Variants in CEP128 observed in about 807,000 individuals in gnomAD.
CEP128 encodes the protein centrosomal protein 128kDa.
A neutral mutation model predicts 156.7 loss-of-function variants in CEP128; 132 were observed. That is an observed-to-expected ratio of 0.84 (90% CI 0.73 to 0.97). The LOEUF is 0.97. CEP128 is among the 50% of genes least tolerant of loss of function. The pLI is 0.00. For missense variants in CEP128, 1,252 were observed against 1,281.9 expected (o/e 0.98, Z 0.36); for synonymous variants, 469 against 448.9 (o/e 1.04, Z -0.57).
intron 16 of CEP128, among the ~76,000 whole-genome samples, chr14:80,777,187 T>A (rs1291814359): frequency 6.6e-6 from 1 of 152,168 alleles, no homozygotes; most frequent in Non-Finnish European, 1.5e-5. Context: ...TGAAACTGAA[T>A]CTACAATGTG....
chr14:80,554,613 G>C (rs1014219681), intron 21 of CEP128, among the ~76,000 whole-genome samples: 1 of 150,838 alleles, frequency 6.6e-6, no homozygotes, highest in Non-Finnish European at 1.5e-5. Context: ...CTAGGAATTT[G>C]TTTATTTCTT....
intron 9 of CEP128, among the ~76,000 whole-genome samples, chr14:80,846,027 T>C (rs896736192): frequency 1.2e-4 from 19 of 152,178 alleles, no homozygotes; most frequent in South Asian, 2.1e-4. Flanking sequence ...ATCATCGTCA[T>C]AGCATTAACG....
chr14:80,859,010 C>G (rs1266287303), intron 9 of CEP128, among the ~76,000 whole-genome samples: 4 of 151,788 alleles, frequency 2.6e-5, no homozygotes, highest in African/African-American at 9.7e-5. Flanking sequence ...GGATCTAGAA[C>G]TAGAAATACC....
At chr14:80,911,923 T>C (rs935817868) in intron 4 of CEP128, among the ~76,000 whole-genome samples, 1 of 152,140 alleles carries the variant, frequency 6.6e-6, no homozygotes, top group Admixed American at 6.5e-5. Flanking sequence ...TTCCCACTTA[T>C]AAAACCACTC....
intron 8 of CEP128, among the ~76,000 whole-genome samples, chr14:80,874,902 G>C (rs1261787821): frequency 1.3e-5 from 2 of 152,236 alleles, no homozygotes; most frequent in Non-Finnish European, 2.9e-5. Flanking sequence ...ACAGGCGTGA[G>C]CCACCGCGCC....
At chr14:80,676,644 T>C (rs1896073149) in intron 19 of CEP128, among the ~76,000 whole-genome samples, 1 of 152,146 alleles carries the variant, frequency 6.6e-6, no homozygotes, top group South Asian at 2.1e-4. Flanking sequence ...AATGCTAGTA[T>C]CCTTCTATTT....
At chr14:80,546,101 T>A (rs1889972158) in intron 21 of CEP128, among the ~76,000 whole-genome samples, 7 of 152,196 alleles carry the variant, frequency 4.6e-5, no homozygotes, top group Admixed American at 2.6e-4. Context: ...TAGGACAGAA[T>A]GCAAATGTCC....
intron 8 of CEP128, among the ~76,000 whole-genome samples, chr14:80,890,830 T>C (rs1889062342): frequency 6.6e-6 from 1 of 151,996 alleles, no homozygotes; most frequent in Non-Finnish European, 1.5e-5. Context: ...CCATTATTCA[T>C]AAGGAGCTCA....
intron 19 of CEP128, among the ~76,000 whole-genome samples, chr14:80,638,660 G>A (rs778463223): frequency 2.3e-4 from 35 of 152,088 alleles, no homozygotes; most frequent in African/African-American, 7.2e-4. Flanking sequence ...ATGAGACAGC[G>A]AATTCCAACA....
upstream of CEP128, chr14:80,942,421 T>C (rs1886205569): frequency 6.6e-6 from 1 of 152,162 alleles, no homozygotes; most frequent in Admixed American, 6.5e-5. Flanking sequence ...GGGGAGTTGG[T>C]TTCAGTCACG....
downstream of CEP128, among the ~76,000 whole-genome samples, chr14:80,492,424 T>C (rs1887355112): frequency 6.6e-6 from 1 of 152,142 alleles, no homozygotes; most frequent in African/African-American, 2.4e-5. Context: ...TATCTTAAAA[T>C]ACATGCACAG....
chr14:80,516,825 G>A (rs1394001547), intron 23 of CEP128, among the ~76,000 whole-genome samples: 1 of 152,176 alleles, frequency 6.6e-6, no homozygotes, highest in Non-Finnish European at 1.5e-5. Context: ...GTTGGGGGAG[G>A]AGTGGGGAAG....
At chr14:80,766,898 A>C (rs1595368656) in intron 16 of CEP128, among the ~76,000 whole-genome samples, 1 of 152,172 alleles carries the variant, frequency 6.6e-6, no homozygotes, top group Non-Finnish European at 1.5e-5. Flanking sequence ...CAATTTAAGC[A>C]AAGTTACTGG....
At chr14:80,677,249 GTAATCCCA>G (rs1490800297) in intron 19 of CEP128, among the ~76,000 whole-genome samples, 1 of 152,142 alleles carries the variant, frequency 6.6e-6, no homozygotes, top group Non-Finnish European at 1.5e-5. Context: ...GCTGACACCT[GTAATCCCA>G]GCACTTTGAG....
intron 2 of CEP128, among the ~76,000 whole-genome samples, chr14:80,932,081 G>T (rs1885501468): frequency 2.0e-5 from 3 of 152,154 alleles, no homozygotes. Context: ...GGTTTTATAA[G>T]GGGCTTTTCC....
At position 80,950,906 on chromosome 14, in the gene CEP128, GAAAAA is replaced by G. The variant is rs59969729; in HGVS notation, c.-172+7267_-172+7271del. ...AAAATCTGAAAAGCATCCCGAGTAA[GAAAAA>G]AAAAAAAAAAAAAGCAGATTATAAA... On this transcript the variant is annotated intron_variant, in intron 2 of 7. Transcript: ENST00000555529. 2.6e-5 allele frequency among the ~76,000 whole-genome samples: 3 copies of G among 115,058 alleles called. No individual in the cohort carries two copies. In the East Asian group the frequency reaches 7.6e-4, roughly 29 times the overall value. The allele number at this position is 115,058 out of a possible 152,430, so 75.5% of individuals were successfully genotyped here. A position where few individuals can be genotyped will look rare whatever the true frequency, so the allele number is the denominator to read the frequency against.
At chr14:80,915,120 T>G (rs747168788) in intron 3 of CEP128, among the ~76,000 whole-genome samples, 83 of 152,322 alleles carry the variant, frequency 5.4e-4, no homozygotes, top group Non-Finnish European at 8.7e-4. Flanking sequence ...GGCATGATCA[T>G]GGCTCACTGC....
At chr14:80,714,685 G>T in intron 19 of CEP128, among the ~76,000 whole-genome samples, 1 of 149,214 alleles carries the variant, frequency 6.7e-6, no homozygotes, top group East Asian at 1.9e-4. Flanking sequence ...AAGCCCCCAT[G>T]AAACCAACAA....
chr14:80,675,588 G>T (rs961949552), intron 19 of CEP128, among the ~76,000 whole-genome samples: 3 of 151,902 alleles, frequency 2.0e-5, no homozygotes, highest in Admixed American at 6.6e-5. Context: ...GCTCATTTTT[G>T]ATTGAATTTT....
Sources: gnomAD v4.1 joint callset for allele counts (sites outside exome capture counted in the v4.1 genomes callset) on GRCh38, gnomAD v4.1.1 for gene constraint, MANE v1.5 for transcripts, NCBI Gene and HGNC (gene_info 2026-07-23, HGNC 2026-07-21) for gene names.